Variants in PPP2R2B observed in about 807,000 individuals in gnomAD.
PPP2R2B encodes protein phosphatase 2 regulatory subunit Bbeta.
PPP2R2B carries 5 observed loss-of-function variants against 46.0 expected under a neutral mutation model. The observed-to-expected ratio is 0.11, with a 90% CI of 0.06 to 0.23. The LOEUF (loss-of-function observed/expected upper bound fraction) is 0.23. Ranked by LOEUF, PPP2R2B falls within the 10% of genes least tolerant of loss-of-function variation. PPP2R2B has a pLI of 1.00. For missense variants in PPP2R2B, 367 were observed against 575.0 expected (o/e 0.64, Z 3.70); for synonymous variants, 215 against 206.7 (o/e 1.04, Z -0.34).
intron 1 of PPP2R2B, among the ~76,000 whole-genome samples, chr5:146,902,332 T>A (rs1397622309): frequency 6.6e-6 from 1 of 152,134 alleles, no homozygotes; most frequent in Non-Finnish European, 1.5e-5. Context: ...CACAACTACA[T>A]CCTATGAACT....
At chr5:146,644,866 GC>G (rs745311000) in intron 6 of PPP2R2B, among the ~76,000 whole-genome samples, 17 of 152,180 alleles carry the variant, frequency 1.1e-4, no homozygotes, top group Non-Finnish European at 1.9e-4. Context: ...TATATGCATT[GC>G]CTTTGTGAGG....
chr5:146,890,085 T>C (rs1234651191), intron 1 of PPP2R2B, among the ~76,000 whole-genome samples: 1 of 152,212 alleles, frequency 6.6e-6, no homozygotes, highest in Non-Finnish European at 1.5e-5. Context: ...CACCACTTTT[T>C]CTTAAGAAGG....
At chr5:146,769,021 G>T (rs1371840673) in intron 2 of PPP2R2B, among the ~76,000 whole-genome samples, 1 of 152,114 alleles carries the variant, frequency 6.6e-6, no homozygotes, top group Non-Finnish European at 1.5e-5. Flanking sequence ...GGGAAAGCAG[G>T]TATGTGCCAC....
intron 2 of PPP2R2B, among the ~76,000 whole-genome samples, chr5:146,848,973 A>G (rs184570099): frequency 6.6e-6 from 1 of 152,286 alleles, no homozygotes; most frequent in Admixed American, 6.5e-5. Flanking sequence ...TTTGGCCATT[A>G]GGAGCTCTTC....
chr5:146,888,484 G>A (rs544334629), intron 1 of PPP2R2B, among the ~76,000 whole-genome samples: 56 of 152,082 alleles, frequency 3.7e-4, no homozygotes, highest in African/African-American at 1.3e-3. Context: ...CAATAGATTC[G>A]AACCAGTCTC....
upstream of PPP2R2B, chr5:147,056,009 T>C: frequency 3.1e-6 from 4 of 1,308,162 alleles, no homozygotes; most frequent in Non-Finnish European, 3.9e-6. Flanking sequence ...TGGCTGAAGC[T>C]CCTCTGAACA....
At chr5:147,031,232 C>T (rs1384876528) in intron 1 of PPP2R2B, among the ~76,000 whole-genome samples, 6 of 150,586 alleles carry the variant, frequency 4.0e-5, no homozygotes, top group Middle Eastern at 3.4e-3. Flanking sequence ...GAGACTCCAC[C>T]TCAAAAAAAA....
intron 1 of PPP2R2B, among the ~76,000 whole-genome samples, chr5:146,992,192 T>C (rs1753725139): frequency 6.6e-6 from 1 of 152,124 alleles, no homozygotes; most frequent in African/African-American, 2.4e-5. Context: ...ACAGAATAGA[T>C]AGCCCAGAAA....
At chr5:146,937,545 A>G (rs1764193515) in intron 1 of PPP2R2B, among the ~76,000 whole-genome samples, 1 of 152,148 alleles carries the variant, frequency 6.6e-6, no homozygotes, top group African/African-American at 2.4e-5. Context: ...AGGCAGAGAA[A>G]GAGAAAGATG....
rs149608055 is a variant in PPP2R2B at position 146,621,956 on chromosome 5, G to A, written c.790+16295C>T. 4.5e-3 allele frequency among the ~76,000 whole-genome samples: 680 copies of A among 152,262 alleles called. 7 individuals carry two copies. Among genetic ancestry groups the A allele is most frequent in the African/African-American group, 0.016 (654 of 41,536 alleles). ...TGCTGCTCAGGTACTTCCTCCCAGT[G>A]TACTCTAGCACTCCCCCAGCAGGTT... On this transcript the variant is annotated intron_variant, in intron 7 of 9. Transcript: ENST00000394411.
intron 1 of PPP2R2B, among the ~76,000 whole-genome samples, chr5:146,894,371 C>T (rs1762580942): frequency 1.3e-5 from 2 of 152,198 alleles, no homozygotes; most frequent in South Asian, 2.1e-4. Context: ...TCATAGTCTA[C>T]ACAGGAAGGC....
At chr5:146,865,243 T>C (rs1288869374) in intron 2 of PPP2R2B, among the ~76,000 whole-genome samples, 1 of 152,052 alleles carries the variant, frequency 6.6e-6, no homozygotes, top group Non-Finnish European at 1.5e-5. Flanking sequence ...TAGATGATGT[T>C]GTTTTGCATA....
intron 1 of PPP2R2B, among the ~76,000 whole-genome samples, chr5:146,951,619 T>C (rs1235874467): frequency 6.6e-6 from 1 of 152,104 alleles, no homozygotes; most frequent in Non-Finnish European, 1.5e-5. Context: ...TGTTTGGTTT[T>C]CCGTTCCTGT....
chr5:146,763,118 T>A (rs1332028677), intron 2 of PPP2R2B, among the ~76,000 whole-genome samples: 1 of 152,188 alleles, frequency 6.6e-6, no homozygotes, highest in Non-Finnish European at 1.5e-5. Context: ...CAACCTGAAC[T>A]GAACGCACAG....
chr5:146,800,642 G>A (rs1214630574), intron 2 of PPP2R2B, among the ~76,000 whole-genome samples: 1 of 116,678 alleles, frequency 8.6e-6, no homozygotes, highest in Non-Finnish European at 1.8e-5. Context: ...GGGGTGGGGG[G>A]GTGGACTAGG....
At chr5:146,644,974 G>T (rs998576824) in intron 6 of PPP2R2B, among the ~76,000 whole-genome samples, 3 of 152,182 alleles carry the variant, frequency 2.0e-5, no homozygotes, top group African/African-American at 7.2e-5. Context: ...GGATAAGAGA[G>T]CCAAGTAGGA....
At position 146,877,548 on chromosome 5, in the gene PPP2R2B, C is replaced by T. The variant is rs549107681; in HGVS notation, c.70+454G>A. 1.4e-4 allele frequency among the ~76,000 whole-genome samples: 22 copies of T among 152,166 alleles called. No individual in the cohort carries two copies. The South Asian group carries it at 4.2e-3, about 29-fold the overall frequency. ...TGTCTAAGCAGGTAACCTGGCCGGC[C>T]GGGGAGATGAATGGGCAGGAAATGA... On this transcript the variant is annotated intron_variant, in intron 2 of 9. Transcript: ENST00000394411.
intron 7 of PPP2R2B, among the ~76,000 whole-genome samples, chr5:146,630,842 C>T (rs1020471335): frequency 2.6e-5 from 4 of 152,178 alleles, no homozygotes; most frequent in East Asian, 3.9e-4. Context: ...TAAGGCTCCA[C>T]GGGTGTTATT....
At chr5:146,899,961 G>C (rs1430059572) in intron 1 of PPP2R2B, among the ~76,000 whole-genome samples, 1 of 152,130 alleles carries the variant, frequency 6.6e-6, no homozygotes, top group Non-Finnish European at 1.5e-5. Context: ...GTAACTATCA[G>C]ATTGTCACTG....
Sources: allele counts gnomAD v4.1 joint callset (sites outside exome capture counted in the v4.1 genomes callset), GRCh38; gene constraint gnomAD v4.1.1; transcripts MANE v1.5; gene names NCBI Gene and HGNC (gene_info 2026-07-23, HGNC 2026-07-21).